SEMA6A: variants seen among roughly 807,000 people sequenced by gnomAD.
The protein encoded by SEMA6A is semaphorin 6A.
SEMA6A carries 25 observed loss-of-function variants against 96.8 expected under a neutral mutation model. That is an observed-to-expected ratio of 0.26 (90% CI 0.19 to 0.36). The LOEUF is 0.36. Among genes scored for constraint, SEMA6A ranks in the 10% least tolerant of loss-of-function variants. The pLI is 1.00. For missense variants in SEMA6A, 1,363 were observed against 1,323.1 expected (o/e 1.03, Z -0.47); for synonymous variants, 612 against 518.0 (o/e 1.18, Z -2.46).
At chr5:116,490,617 TA>T (rs2112729383) in intron 7 of SEMA6A, among the ~76,000 whole-genome samples, 1 of 152,322 alleles carries the variant, frequency 6.6e-6, no homozygotes, top group East Asian at 1.9e-4. Flanking sequence ...TGCTCTCATT[TA>T]GGGGGAGAAC....
At chr5:116,572,643 C>T in intron 1 of SEMA6A, among the ~76,000 whole-genome samples, 1 of 152,248 alleles carries the variant, frequency 6.6e-6, no homozygotes, top group South Asian at 2.1e-4. Context: ...TCCCCACAGC[C>T]TCTGTCCACA....
chr5:116,453,818 T>C (rs894720109), intron 18 of SEMA6A, among the ~76,000 whole-genome samples: 1 of 152,206 alleles, frequency 6.6e-6, no homozygotes, highest in Non-Finnish European at 1.5e-5. Flanking sequence ...TCTTAAAGTA[T>C]ACTAATGCCC....
rs1251640264 is a variant in SEMA6A at position 116,489,015 on chromosome 5, G to A, written c.536-8C>T. On this transcript the variant is annotated splice_polypyrimidine_tract_variant and splice_region_variant and intron_variant, in intron 7 of 18. Transcript: ENST00000343348. ...CTGAGTATAGTTTTCCATCTTAGAA[G>A]AAAAAGAAAAGAGGTGAACAGGGTG... 2.6e-6 allele frequency: 4 copies of A among 1,556,518 alleles called. No individual in the cohort carries two copies. The African/African-American group carries it at 4.1e-5, about 16-fold the overall frequency.
chr5:116,464,794 T>C (rs1755630836), intron 18 of SEMA6A, among the ~76,000 whole-genome samples: 1 of 152,010 alleles, frequency 6.6e-6, no homozygotes. Flanking sequence ...AAATGGAGAA[T>C]TGTTTGGAGG....
chr5:116,521,852 T>C (rs1758964200), intron 1 of SEMA6A, among the ~76,000 whole-genome samples: 1 of 151,822 alleles, frequency 6.6e-6, no homozygotes, highest in Non-Finnish European at 1.5e-5. Context: ...TTCACTAACA[T>C]AATTTTAGAT....
intron 1 of SEMA6A, among the ~76,000 whole-genome samples, chr5:116,560,286 G>C (rs1760770044): frequency 6.6e-6 from 1 of 152,154 alleles, no homozygotes; most frequent in Non-Finnish European, 1.5e-5. Flanking sequence ...TCAGGCCTTA[G>C]ACTAGAAAGA....
chr5:116,527,386 T>C (rs190144114), intron 1 of SEMA6A, among the ~76,000 whole-genome samples: 4 of 152,326 alleles, frequency 2.6e-5, no homozygotes, highest in Admixed American at 2.0e-4. Flanking sequence ...GATTTGGGGT[T>C]TGCAAAATAA....
chr5:116,526,008 T>C (rs1317841214), intron 1 of SEMA6A, among the ~76,000 whole-genome samples: 1 of 151,018 alleles, frequency 6.6e-6, no homozygotes, highest in African/African-American at 2.4e-5. Flanking sequence ...TAAGAATATA[T>C]ACCAGAATTT....
intron 2 of SEMA6A, among the ~76,000 whole-genome samples, chr5:116,503,985 A>C (rs1430023507): frequency 6.6e-6 from 1 of 152,136 alleles, no homozygotes; most frequent in African/African-American, 2.4e-5. Context: ...TCTGGACTCT[A>C]ATTGTTTTGT....
At chr5:116,508,194 C>A (rs1037649868) in intron 1 of SEMA6A, 27 of 152,108 alleles carry the variant, frequency 1.8e-4, no homozygotes, top group African/African-American at 6.3e-4. Context: ...CAAAGGAGAC[C>A]AAAAGGACTG....
At chr5:116,569,783 G>A (rs1455415779) in intron 1 of SEMA6A, among the ~76,000 whole-genome samples, 1 of 152,192 alleles carries the variant, frequency 6.6e-6, no homozygotes, top group Non-Finnish European at 1.5e-5. Flanking sequence ...GAATGGAGTT[G>A]CCATTTACTA....
chr5:116,536,866 T>TAAAAA (rs72214884), intron 1 of SEMA6A, among the ~76,000 whole-genome samples: 17 of 69,510 alleles, frequency 2.4e-4, no homozygotes, highest in African/African-American at 6.2e-4. Context: ...TGTGATTTCT[T>TAAAAA]AAAAAAAAAA....
chr5:116,549,246 G>C (rs1238478855), intron 1 of SEMA6A, among the ~76,000 whole-genome samples: 1 of 152,140 alleles, frequency 6.6e-6, no homozygotes. Flanking sequence ...TGGAGTCAGA[G>C]AGGTGAGCAT....
intron 18 of SEMA6A, among the ~76,000 whole-genome samples, chr5:116,450,442 G>C (rs1039699042): frequency 1.3e-5 from 2 of 152,218 alleles, no homozygotes; most frequent in Admixed American, 6.5e-5. Context: ...AGTAAAGCTA[G>C]AGCAATTCAT....
At chr5:116,559,775 C>G (rs1425303548) in intron 1 of SEMA6A, among the ~76,000 whole-genome samples, 1 of 152,136 alleles carries the variant, frequency 6.6e-6, no homozygotes, top group Non-Finnish European at 1.5e-5. Flanking sequence ...ATTTTTTACT[C>G]CTTCCCCTCC....
chr5:116,463,913 G>C (rs1561472074), intron 18 of SEMA6A, among the ~76,000 whole-genome samples: 1 of 152,160 alleles, frequency 6.6e-6, no homozygotes, highest in South Asian at 2.1e-4. Flanking sequence ...CAGCTCTCTT[G>C]GCTGCTCTGG....
At chr5:116,531,708 T>G (rs1374588845) in intron 1 of SEMA6A, among the ~76,000 whole-genome samples, 1 of 152,220 alleles carries the variant, frequency 6.6e-6, no homozygotes, top group South Asian at 2.1e-4. Flanking sequence ...CCCTTGCTTC[T>G]AGTTTCAGTA....
At chr5:116,565,674 A>G (rs970184604) in intron 1 of SEMA6A, among the ~76,000 whole-genome samples, 6 of 152,264 alleles carry the variant, frequency 3.9e-5, no homozygotes, top group Non-Finnish European at 7.3e-5. Flanking sequence ...AAGGCTTAAT[A>G]GAATGGTTTT....
chr5:116,535,043 A>T (rs1389149677), intron 1 of SEMA6A, among the ~76,000 whole-genome samples: 1 of 152,270 alleles, frequency 6.6e-6, no homozygotes, highest in East Asian at 1.9e-4. Context: ...TTAGCATAAT[A>T]CAAATACATA....
Sources: allele counts gnomAD v4.1 joint callset (sites outside exome capture counted in the v4.1 genomes callset), GRCh38; gene constraint gnomAD v4.1.1; transcripts MANE v1.5; gene names NCBI Gene and HGNC (gene_info 2026-07-23, HGNC 2026-07-21).